ALDH7A1: variants seen among roughly 807,000 people sequenced by gnomAD.
The protein encoded by ALDH7A1 is alpha-aminoadipic semialdehyde dehydrogenase.
A neutral mutation model predicts 79.9 loss-of-function variants in ALDH7A1; 63 were observed. The observed-to-expected ratio is 0.79, with a 90% confidence interval of 0.64 to 0.97. The LOEUF (loss-of-function observed/expected upper bound fraction) is 0.97, where lower values mean the gene tolerates loss of function less well. ALDH7A1 is among the 50% of genes least tolerant of loss of function. ALDH7A1 has a pLI of 0.00. For missense variants in ALDH7A1, 627 were observed against 665.2 expected (o/e 0.94, Z 0.63); for synonymous variants, 240 against 231.2 (o/e 1.04, Z -0.34).
chr5:126,564,873 C>A (rs1750515608), intron 9 of ALDH7A1, among the ~76,000 whole-genome samples: 1 of 152,192 alleles, frequency 6.6e-6, no homozygotes, highest in South Asian at 2.1e-4. Context: ...ATCAGGCGCT[C>A]TCTGACTATA....
intron 7 of ALDH7A1, among the ~76,000 whole-genome samples, chr5:126,573,927 G>A (rs1750869579): frequency 6.7e-6 from 1 of 148,436 alleles, no homozygotes; most frequent in African/African-American, 2.5e-5. Flanking sequence ...CTACTCGGGA[G>A]GCTGAGACAT....
Position 126,595,045 on chromosome 5 carries a change from C to G in ALDH7A1, c.154G>C (p.Glu52Gln), listed in dbSNP as rs765562932. The change falls in exon 1 of 18, where the codon GAG becomes CAG. Residue 52 changes from glutamate (E) to glutamine (Q), a missense_variant. By Grantham distance (29) the Glu-to-Gln change is conservative (BLOSUM62 2). Coordinates refer to ENST00000409134, the MANE Select transcript of ALDH7A1 (RefSeq NM_001182.5). Reference protein sequence around the residue: ...LKELGLREENEGVYNGSWGGR... With the variant: ...LKELGLREENQGVYNGSWGGR... ...CCCCAGCTTCCATTATACACGCCCT[C>G]GTTTTCCTCGCGGAGCCCCAGCTCT... 5.6e-6 allele frequency: 9 copies of G among 1,609,686 alleles called. No individual in the cohort carries two copies. The Admixed American group carries it at 1.5e-4, about 27-fold the overall frequency.
intron 13 of ALDH7A1, among the ~76,000 whole-genome samples, chr5:126,553,944 C>CA (rs1750087996): frequency 6.6e-6 from 1 of 151,522 alleles, no homozygotes; most frequent in Non-Finnish European, 1.5e-5. Flanking sequence ...CCATCTCTAC[C>CA]AAAAAATATA....
intron 7 of ALDH7A1, among the ~76,000 whole-genome samples, chr5:126,572,775 G>A (rs1750819506): frequency 6.6e-6 from 1 of 152,068 alleles, no homozygotes; most frequent in Non-Finnish European, 1.5e-5. Context: ...TCTCCAATGG[G>A]GCTCTCACTT....
Position 126,594,994 on chromosome 5 carries a change from A to G in ALDH7A1, c.192+13T>C. On this transcript the variant is annotated intron_variant, in intron 1 of 17. Transcript: ENST00000409134. ...CCCCGGCGGCTGCAGAGATTTCTTG[A>G]GCGCCCGCGTACCTCTCCCCGGCCT... is the stretch of plus-strand genomic sequence containing the variant. 1 of 1,582,834 alleles carries G rather than the reference A, an allele frequency of 6.3e-7. No individual in the cohort carries two copies. Among genetic ancestry groups the G allele is most frequent in the Non-Finnish European group, 8.6e-7 (1 of 1,165,214 alleles).
intron 5 of ALDH7A1, 47 bp downstream of exon 5, chr5:126,582,804 C>T: frequency 6.2e-7 from 1 of 1,608,978 alleles, no homozygotes; most frequent in Non-Finnish European, 8.5e-7. Flanking sequence ...TTTTGGAGCT[C>T]TGTATATCAG....
chr5:126,543,895 C>T lies in ALDH7A1; in HGVS notation c.*1070G>A, dbSNP rs1749696962. The T allele has an allele frequency of 6.6e-6, 1 of 151,768 alleles. No homozygotes were observed. Among genetic ancestry groups the T allele is most frequent in the South Asian group, 2.1e-4 (1 of 4,802 alleles). The allele number at this position is 151,768 out of a possible 1,614,324, so 9.4% of individuals were successfully genotyped here. A position where few individuals can be genotyped will look rare whatever the true frequency, so the allele number is the denominator to read the frequency against. On this transcript the variant is annotated 3_prime_UTR_variant, in exon 18 of 18. Coordinates refer to ENST00000409134, the MANE Select transcript of ALDH7A1 (RefSeq NM_001182.5). Reference sequence around the variant, plus strand: ...CACACACTGAGGATTGAGAACAGATCCAAGGGCAACCGCAGACGCCTAAAG... The same window carrying T: ...CACACACTGAGGATTGAGAACAGATTCAAGGGCAACCGCAGACGCCTAAAG...
intron 6 of ALDH7A1, among the ~76,000 whole-genome samples, chr5:126,575,739 A>G (rs1273285219): frequency 6.6e-6 from 1 of 152,238 alleles, no homozygotes; most frequent in Non-Finnish European, 1.5e-5. Context: ...CATTAACCTC[A>G]GCCAGTTATA....
intron 8 of ALDH7A1, 45 bp downstream of exon 8, chr5:126,570,737 A>G (rs1581381539): frequency 1.3e-6 from 2 of 1,580,704 alleles, no homozygotes; most frequent in African/African-American, 1.3e-5. Context: ...TAGTTGGTCA[A>G]CCTGGGGTCC....
chr5:126,549,488 A>G (rs959954569), intron 16 of ALDH7A1: 4 of 169,070 alleles, frequency 2.4e-5, no homozygotes, highest in Non-Finnish European at 5.1e-5. Flanking sequence ...TATTAAGAGG[A>G]AACAGGAGCA....
At chr5:126,594,116 T>C (rs1751656078) in intron 1 of ALDH7A1, 1 of 429,284 alleles carries the variant, frequency 2.3e-6, no homozygotes, top group African/African-American at 2.0e-5. Flanking sequence ...ACCTTTCCAT[T>C]GTATTCTATA....
intron 9 of ALDH7A1, among the ~76,000 whole-genome samples, chr5:126,563,624 G>A (rs1750473136): frequency 6.6e-6 from 1 of 151,968 alleles, no homozygotes; most frequent in South Asian, 2.1e-4. Context: ...CCAAGTAGCT[G>A]GGACTACAGG....
At chr5:126,554,780 C>G in intron 12 of ALDH7A1, 2 of 327,600 alleles carry the variant, frequency 6.1e-6, no homozygotes, top group South Asian at 5.4e-5. Flanking sequence ...TTACTCATTA[C>G]AGTGTGACCA....
chr5:126,568,830 G>GT (rs1750683062), intron 8 of ALDH7A1: 2 of 180,204 alleles, frequency 1.1e-5, no homozygotes, highest in South Asian at 2.5e-4. Context: ...GAGGTAGGAG[G>GT]ATCACTTGAA....
In ALDH7A1 at chr5:126,570,775, A is replaced by G. The variant is rs201172909; in HGVS notation, c.773+7T>C. ...CAACAGAGGATGCTCTCAGCCTAGT[A>G]ACCTACCCAATATCTGCTCCACCAC... On this transcript the variant is annotated splice_region_variant and intron_variant, in intron 8 of 17. Coordinates refer to ENST00000409134, the MANE Select transcript of ALDH7A1 (RefSeq NM_001182.5). The G allele has an allele frequency of 1.7e-5, 27 of 1,613,900 alleles. No individual in the cohort carries two copies. The highest frequency in any genetic ancestry group is 8.5e-7 in the Non-Finnish European group (1 of 1,179,820).
rs1009488187 is a variant in ALDH7A1, at chr5:126,544,797, T to A, written c.*168A>T. 11 of 626,312 alleles carry A rather than the reference T, an allele frequency of 1.8e-5. No individual in the cohort carries two copies. In the African/African-American group the frequency reaches 1.8e-4, roughly 11 times the overall value. The allele number at this position is 626,312 out of a possible 1,614,324, so 38.8% of individuals were successfully genotyped here. A position where few individuals can be genotyped will look rare whatever the true frequency, so the allele number is the denominator to read the frequency against. ...GTTGTAACAATTTTATTTTGATTTTTAAAAAAGGAATCTCTTGATTTAATC... is the reference window on the plus strand; with the variant it reads ...GTTGTAACAATTTTATTTTGATTTTAAAAAAAGGAATCTCTTGATTTAATC... On this transcript the variant is annotated 3_prime_UTR_variant, in exon 18 of 18. Coordinates refer to ENST00000409134, the MANE Select transcript of ALDH7A1 (RefSeq NM_001182.5).
At chr5:126,549,884 T>C (rs777388882) in intron 16 of ALDH7A1, 45 bp downstream of exon 16, 1 of 1,585,104 alleles carries the variant, frequency 6.3e-7, no homozygotes, top group Non-Finnish European at 8.7e-7. Context: ...TACTGGTTTT[T>C]CTTTGCTGCC....
chr5:126,561,192 G>C lies in ALDH7A1; in HGVS notation c.872-68C>G. 7.3e-6 allele frequency: 9 copies of C among 1,230,854 alleles called. No homozygotes were observed. The South Asian group carries it at 1.1e-4, about 16-fold the overall frequency. The allele number at this position is 1,230,854 out of a possible 1,614,324, so 76.2% of individuals were successfully genotyped here. On this transcript the variant is annotated intron_variant, in intron 9 of 17. Transcript: ENST00000409134. Reference sequence around the variant, plus strand: ...CATATTTACTGCACACTGCTACACAGCCTAATCCCAATTATTAAATTATAT... The same window carrying C: ...CATATTTACTGCACACTGCTACACACCCTAATCCCAATTATTAAATTATAT...
At position 126,578,652 on chromosome 5, in the gene ALDH7A1, A is replaced by AG. The variant is rs1453777678; in HGVS notation, c.518-1442_518-1441insC. ...AGACCCTGTATCAAAAAAAAAAAAA[A>AG]AAAGAAAGAAAAGAAAAGAAAAAAC... On this transcript the variant is annotated intron_variant, in intron 5 of 17. Coordinates refer to ENST00000409134, the MANE Select transcript of ALDH7A1 (RefSeq NM_001182.5). Among the ~76,000 whole-genome samples the AG allele has an allele frequency of 1.3e-3, 189 of 150,590 alleles. 1 individual carries two copies. Among genetic ancestry groups the AG allele is most frequent in the African/African-American group, 4.4e-3 (182 of 41,158 alleles).
Sources: allele counts gnomAD v4.1 joint callset (sites outside exome capture counted in the v4.1 genomes callset), GRCh38; gene constraint gnomAD v4.1.1; transcripts MANE v1.5; gene names NCBI Gene and HGNC (gene_info 2026-07-23, HGNC 2026-07-21).